TAF2: variants seen among roughly 807,000 people sequenced by gnomAD.
The protein encoded by TAF2 is TATA-box binding protein associated factor 2.
TAF2 carries 61 observed loss-of-function variants against 138.5 expected under a neutral mutation model. The ratio of observed to expected loss-of-function variants is 0.44; its 90% CI spans 0.36 to 0.54. The LOEUF (loss-of-function observed/expected upper bound fraction) is 0.54. Among genes scored for constraint, TAF2 ranks in the 20% least tolerant of loss-of-function variants. The pLI is 0.00. For synonymous variants in TAF2, 475 were observed against 469.9 expected (o/e 1.01, Z -0.14); for missense variants, 1,090 against 1,427.9 (o/e 0.76, Z 3.81).
intron 2 of TAF2, among the ~76,000 whole-genome samples, chr8:119,821,512 C>A (rs1716449697): frequency 6.6e-6 from 1 of 152,204 alleles, no homozygotes; most frequent in African/African-American, 2.4e-5. Flanking sequence ...TAGGCATTCT[C>A]CTAGTTTCCA....
At chr8:119,826,290 C>G (rs1355212353) in intron 2 of TAF2, among the ~76,000 whole-genome samples, 1 of 149,942 alleles carries the variant, frequency 6.7e-6, no homozygotes, top group Non-Finnish European at 1.5e-5. Context: ...AACAAACAAA[C>G]AAAAAAAACA....
intron 25 of TAF2, among the ~76,000 whole-genome samples, chr8:119,740,911 T>C (rs937241889): frequency 5.9e-5 from 9 of 152,136 alleles, no homozygotes; most frequent in Admixed American, 5.2e-4. Context: ...AAAGAATATA[T>C]TCAAAGTTAA....
chr8:119,816,915 T>C (rs1207472988), intron 3 of TAF2, among the ~76,000 whole-genome samples: 5 of 152,216 alleles, frequency 3.3e-5, no homozygotes, highest in South Asian at 2.1e-4. Context: ...TCTAAAACTT[T>C]CGTCTAATAA....
chr8:119,753,196 C>A (rs989379985), intron 22 of TAF2, among the ~76,000 whole-genome samples: 4 of 152,100 alleles, frequency 2.6e-5, no homozygotes, highest in African/African-American at 9.7e-5. Context: ...GCCAAATATA[C>A]CCAAATCTTA....
intron 25 of TAF2, among the ~76,000 whole-genome samples, chr8:119,740,503 A>AT (rs1195851484): frequency 1.3e-5 from 2 of 149,666 alleles, no homozygotes; most frequent in African/African-American, 2.4e-5. Flanking sequence ...AAAAAAAAAA[A>AT]AAAAAAAAAA....
intron 6 of TAF2, among the ~76,000 whole-genome samples, chr8:119,800,991 ATGAATTG>A (rs1824215569): frequency 6.6e-6 from 1 of 152,204 alleles, no homozygotes; most frequent in Non-Finnish European, 1.5e-5. Flanking sequence ...CAATTGATAA[ATGAATTG>A]TGATAAGATA....
At chr8:119,791,012 G>A (rs1823390789) in intron 11 of TAF2, among the ~76,000 whole-genome samples, 1 of 151,880 alleles carries the variant, frequency 6.6e-6, no homozygotes, top group Non-Finnish European at 1.5e-5. Context: ...TACTGCCCAG[G>A]CTGGTCTCGA....
At chr8:119,824,972 T>C (rs1276363220) in intron 2 of TAF2, among the ~76,000 whole-genome samples, 1 of 152,234 alleles carries the variant, frequency 6.6e-6, no homozygotes, top group East Asian at 1.9e-4. Flanking sequence ...ACAGGGTCCC[T>C]ACTGAGGCAC....
intron 22 of TAF2, among the ~76,000 whole-genome samples, chr8:119,755,549 C>A (rs1820644951): frequency 6.6e-6 from 1 of 151,994 alleles, no homozygotes; most frequent in Non-Finnish European, 1.5e-5. Context: ...ATGATCTCCA[C>A]AGTATAGAAC....
At chr8:119,818,152 A>G (rs1400466744) in intron 3 of TAF2, among the ~76,000 whole-genome samples, 1 of 152,262 alleles carries the variant, frequency 6.6e-6, no homozygotes, top group African/African-American at 2.4e-5. Context: ...TGCTTATGGC[A>G]GTGGTTCTCA....
chr8:119,810,887 A>C (rs1825006917), intron 3 of TAF2, among the ~76,000 whole-genome samples: 1 of 152,206 alleles, frequency 6.6e-6, no homozygotes, highest in Non-Finnish European at 1.5e-5. Flanking sequence ...TTTCCTGAGA[A>C]AAGGTGAAGT....
chr8:119,829,945 G>A (rs971498290), intron 2 of TAF2, among the ~76,000 whole-genome samples: 2 of 146,686 alleles, frequency 1.4e-5, no homozygotes, highest in African/African-American at 5.1e-5. Flanking sequence ...CTGCAAGTTC[G>A]CCTCCCAGGT....
At chr8:119,745,847 A>G (rs1819929958) in intron 23 of TAF2, among the ~76,000 whole-genome samples, 1 of 149,770 alleles carries the variant, frequency 6.7e-6, no homozygotes, top group South Asian at 2.1e-4. Flanking sequence ...GTGATATAAA[A>G]TGTTTTAAAA....
At chr8:119,788,974 T>C (rs1740118233) in intron 12 of TAF2, 70 bp from the exon 13 acceptor site, 1 of 1,047,006 alleles carries the variant, frequency 9.6e-7, no homozygotes, top group Non-Finnish European at 1.5e-6. Context: ...TTATCCATCA[T>C]GGTATTAATA....
intron 9 of TAF2, among the ~76,000 whole-genome samples, chr8:119,793,917 G>A (rs983748691): frequency 1.3e-5 from 2 of 150,070 alleles, no homozygotes; most frequent in African/African-American, 4.9e-5. Flanking sequence ...AAAAAAGGGG[G>A]GGTTGGGGGC....
Position 119,818,122 on chromosome 8 carries a change from C to T in TAF2, c.299+1224G>A, listed in dbSNP as rs571353544. ...CATAAATATGTCTAAAAATAAGCCT[C>T]CCTTCTAAAACTTTGCAATTGCTTA... On this transcript the variant is annotated intron_variant, in intron 3 of 25. Coordinates refer to ENST00000378164, the MANE Select transcript of TAF2 (RefSeq NM_003184.4). Among the ~76,000 whole-genome samples the T allele has an allele frequency of 3.9e-5, 6 of 152,310 alleles. No homozygotes were observed. In the East Asian group the frequency reaches 1.2e-3, roughly 29 times the overall value.
intron 25 of TAF2, among the ~76,000 whole-genome samples, chr8:119,734,106 G>T (rs1258660959): frequency 6.6e-6 from 1 of 152,122 alleles, no homozygotes; most frequent in East Asian, 1.9e-4. Context: ...CCCCAACAAC[G>T]AATTATGCCT....
intron 15 of TAF2, among the ~76,000 whole-genome samples, chr8:119,783,918 C>T (rs1822844785): frequency 1.3e-5 from 2 of 152,262 alleles, no homozygotes; most frequent in South Asian, 2.1e-4. Context: ...CACTGAATCT[C>T]TCATTTCCCA....
intron 12 of TAF2, among the ~76,000 whole-genome samples, chr8:119,789,221 A>G (rs1823248438): frequency 6.6e-6 from 1 of 152,204 alleles, no homozygotes; most frequent in Non-Finnish European, 1.5e-5. Context: ...AAATTGCGCC[A>G]ACCCCTAATC....
Sources: allele counts gnomAD v4.1 joint callset (sites outside exome capture counted in the v4.1 genomes callset), GRCh38; gene constraint gnomAD v4.1.1; transcripts MANE v1.5; gene names NCBI Gene and HGNC (gene_info 2026-07-23, HGNC 2026-07-21).